Variants in ANO2 observed in about 807,000 individuals in gnomAD.
The protein encoded by ANO2 is anoctamin-2.
Under a neutral mutation model 124.2 loss-of-function variants are expected in ANO2, and 101 were observed. The ratio of observed to expected loss-of-function variants is 0.81; its 90% CI spans 0.69 to 0.96. ANO2 has a LOEUF of 0.96. ANO2 is among the 40% of genes least tolerant of loss of function. ANO2 has a pLI of 0.00. For synonymous variants in ANO2, 486 were observed against 482.5 expected, an observed-to-expected ratio of 1.01 and a Z score of -0.09; for missense variants, 1,293 against 1,274.5, an observed-to-expected ratio of 1.01 and a Z score of -0.22.
At chr12:5,943,426 T>C (rs944723323) in intron 1 of ANO2, among the ~76,000 whole-genome samples, 3 of 152,124 alleles carry the variant, frequency 2.0e-5, no homozygotes, top group African/African-American at 7.2e-5. Context: ...CTAAATATCA[T>C]ATGTTCTCAT....
chr12:5,677,887 C>T (rs1031972317), intron 14 of ANO2, among the ~76,000 whole-genome samples: 1 of 152,192 alleles, frequency 6.6e-6, no homozygotes, highest in African/African-American at 2.4e-5. Context: ...CCATAGGCCA[C>T]ATCCTCTTAG....
intron 14 of ANO2, among the ~76,000 whole-genome samples, chr12:5,715,484 T>A (rs145126444): frequency 6.6e-6 from 1 of 152,282 alleles, no homozygotes; most frequent in East Asian, 1.9e-4. Context: ...CAGGATGAGA[T>A]AAATTTCTCC....
Position 5,577,994 on chromosome 12 carries a change from G to T in ANO2, c.2400C>A (p.Asp800Glu). ...AGAACTTGCCAATTCCAGAGAGAAT[G>T]TCAAACCAGATTCCTACAAGACAGA... Reference protein sequence around the residue: ...VRTKDIGIWFDILSGIGKFSV... With the variant: ...VRTKDIGIWFEILSGIGKFSV... The change falls in exon 22 of 25, where the codon GAC becomes GAA. Residue 800 changes from aspartate to glutamate, a missense_variant. Transcript: ENST00000682330. 2 of 1,613,888 alleles carry T rather than the reference G, an allele frequency of 1.2e-6. No individual in the cohort carries two copies. Among genetic ancestry groups the T allele is most frequent in the Non-Finnish European group, 8.5e-7 (1 of 1,179,810 alleles).
chr12:5,589,754 A>G (rs1279292205), intron 20 of ANO2, among the ~76,000 whole-genome samples: 1 of 152,192 alleles, frequency 6.6e-6, no homozygotes, highest in Non-Finnish European at 1.5e-5. Context: ...GGATGCACGC[A>G]TGAGAAGGCG....
intron 19 of ANO2, among the ~76,000 whole-genome samples, chr12:5,609,792 C>G (rs1591726071): frequency 6.6e-6 from 1 of 151,730 alleles, no homozygotes; most frequent in South Asian, 2.1e-4. Context: ...TGGGCCTTAC[C>G]TTCTCTACCT....
At chr12:5,765,488 T>C (rs1471008646) in intron 10 of ANO2, among the ~76,000 whole-genome samples, 2 of 152,226 alleles carry the variant, frequency 1.3e-5, no homozygotes, top group East Asian at 1.9e-4. Context: ...TTAGTCGGTA[T>C]TGGTATCTTT....
intron 19 of ANO2, among the ~76,000 whole-genome samples, chr12:5,602,615 A>C (rs1488402423): frequency 6.6e-6 from 1 of 152,194 alleles, no homozygotes; most frequent in Non-Finnish European, 1.5e-5. Flanking sequence ...GAAAGTGCAA[A>C]AGAAATAAAA....
intron 3 of ANO2, among the ~76,000 whole-genome samples, chr12:5,893,339 C>T (rs531444854): frequency 6.6e-6 from 1 of 152,196 alleles, no homozygotes; most frequent in South Asian, 2.1e-4. Flanking sequence ...ACAAATGATG[C>T]ATCCAACAAA....
At chr12:5,643,626 A>G (rs1381630087) in intron 15 of ANO2, among the ~76,000 whole-genome samples, 1 of 152,216 alleles carries the variant, frequency 6.6e-6, no homozygotes, top group East Asian at 1.9e-4. Context: ...GATAATGCCA[A>G]ACTATATCCA....
intron 4 of ANO2, chr12:5,839,617 C>A: frequency 2.2e-6 from 1 of 455,976 alleles, no homozygotes; most frequent in African/African-American, 2.0e-5. Context: ...GATGTCCAGT[C>A]CTGAGCTTGG....
At chr12:5,734,999 A>G (rs1950799286) in intron 13 of ANO2, among the ~76,000 whole-genome samples, 1 of 152,182 alleles carries the variant, frequency 6.6e-6, no homozygotes, top group African/African-American at 2.4e-5. Flanking sequence ...CACTCAGACA[A>G]GAATCCGAAA....
chr12:5,617,079 C>T (rs527720485), intron 16 of ANO2, among the ~76,000 whole-genome samples: 81 of 151,766 alleles, frequency 5.3e-4, no homozygotes, highest in Non-Finnish European at 1.0e-3. Context: ...TACACCGTAC[C>T]GCACTCTCCA....
At chr12:5,822,662 A>G (rs1016056361) in intron 7 of ANO2, among the ~76,000 whole-genome samples, 2 of 152,060 alleles carry the variant, frequency 1.3e-5, no homozygotes, top group Non-Finnish European at 2.9e-5. Flanking sequence ...ATTATTTTGG[A>G]CCTCTTCCAT....
chr12:5,789,528 G>C (rs1408789990), intron 10 of ANO2, among the ~76,000 whole-genome samples: 1 of 152,200 alleles, frequency 6.6e-6, no homozygotes, highest in Non-Finnish European at 1.5e-5. Context: ...AGTGACTAAG[G>C]CTGAGCTCCC....
At chr12:5,626,626 A>G (rs1462289402) in intron 16 of ANO2, among the ~76,000 whole-genome samples, 1 of 152,190 alleles carries the variant, frequency 6.6e-6, no homozygotes, top group Non-Finnish European at 1.5e-5. Flanking sequence ...TTGCAGCAGG[A>G]AACAATTCCC....
At chr12:5,858,205 A>G (rs1001149135) in intron 3 of ANO2, among the ~76,000 whole-genome samples, 10 of 152,238 alleles carry the variant, frequency 6.6e-5, no homozygotes, top group African/African-American at 2.4e-4. Flanking sequence ...AAGAAATGAT[A>G]TATTAGGGGT....
intron 3 of ANO2, among the ~76,000 whole-genome samples, chr12:5,885,272 A>T (rs1938806654): frequency 6.6e-6 from 1 of 152,230 alleles, no homozygotes; most frequent in Non-Finnish European, 1.5e-5. Flanking sequence ...GCTTTCACCA[A>T]GCTTTCAAGT....
chr12:5,901,046 C>A (rs1011799265), intron 3 of ANO2, among the ~76,000 whole-genome samples: 12 of 152,362 alleles, frequency 7.9e-5, no homozygotes, highest in African/African-American at 2.6e-4. Context: ...CCATTCCCGA[C>A]ACGCTTTGCT....
intron 11 of ANO2, among the ~76,000 whole-genome samples, chr12:5,747,179 G>A (rs145928724): frequency 6.6e-6 from 1 of 152,254 alleles, no homozygotes; most frequent in African/African-American, 2.4e-5. Flanking sequence ...CCTGCGCTGT[G>A]AATCTAAAAT....
Sources: gnomAD v4.1 joint callset for allele counts (sites outside exome capture counted in the v4.1 genomes callset) on GRCh38, gnomAD v4.1.1 for gene constraint, MANE v1.5 for transcripts, NCBI Gene and HGNC (gene_info 2026-07-23, HGNC 2026-07-21) for gene names.